LOC400499: variants seen among roughly 807,000 people sequenced by gnomAD.
At chr16:11,434,848 TAGGCTCCTG>T in the LOC400499 span, among the ~76,000 whole-genome samples, 1 of 152,192 alleles carries the variant, frequency 6.6e-6, no homozygotes, top group Non-Finnish European at 1.5e-5. Flanking sequence ...CCCTGGACCC[TAGGCTCCTG>T]AGCACCCCAC....
the LOC400499 span, among the ~76,000 whole-genome samples, chr16:11,473,449 T>C: frequency 6.6e-6 from 1 of 152,166 alleles, no homozygotes. Context: ...TGGCTTACAC[T>C]TGGCATTATT....
the LOC400499 span, chr16:11,446,579 CCT>C: frequency 3.3e-6 from 5 of 1,536,084 alleles, no homozygotes; most frequent in Non-Finnish European, 4.4e-6. Context: ...ACCAGGCACC[CCT>C]CTGTGTTCCT....
the LOC400499 span, chr16:11,469,722 C>T: frequency 2.5e-6 from 1 of 398,852 alleles, no homozygotes; most frequent in Non-Finnish European, 4.4e-6. Flanking sequence ...CCTTCAGACA[C>T]TCACATTGTT....
At chr16:11,410,905 G>A in the LOC400499 span, among the ~76,000 whole-genome samples, 3 of 152,340 alleles carry the variant, frequency 2.0e-5, no homozygotes, top group East Asian at 5.8e-4. Flanking sequence ...GGTGACGCTG[G>A]CTCAGCTCCA....
At chr16:11,450,448 AG>A in the LOC400499 span, among the ~76,000 whole-genome samples, 2 of 152,322 alleles carry the variant, frequency 1.3e-5, no homozygotes, top group South Asian at 4.1e-4. Flanking sequence ...TACGTCACTT[AG>A]GAACTAAACT....
chr16:11,385,255 C>T, the LOC400499 span: 27 of 1,232,152 alleles, frequency 2.2e-5, no homozygotes, highest in South Asian at 4.1e-5. Flanking sequence ...TTAAGTTCCA[C>T]GAACAGGGCT....
chr16:11,495,387 T>TC, the LOC400499 span, among the ~76,000 whole-genome samples: 1 of 151,436 alleles, frequency 6.6e-6, no homozygotes, highest in African/African-American at 2.4e-5. Context: ...ACAAATCTTT[T>TC]TTTTTTTTTT....
chr16:11,481,057 G>A, the LOC400499 span, among the ~76,000 whole-genome samples: 6 of 152,230 alleles, frequency 3.9e-5, no homozygotes, highest in South Asian at 2.1e-4. Flanking sequence ...TACAATGTGG[G>A]TGAACTTCCA....
At chr16:11,513,598 T>C in the LOC400499 span, among the ~76,000 whole-genome samples, 1 of 151,730 alleles carries the variant, frequency 6.6e-6, no homozygotes, top group South Asian at 2.1e-4. Flanking sequence ...TTCCAACTAT[T>C]TTTTGCATTT....
the LOC400499 span, among the ~76,000 whole-genome samples, chr16:11,506,673 C>G: frequency 2.4e-3 from 364 of 152,316 alleles, 2 homozygotes; most frequent in African/African-American, 8.4e-3. Context: ...CTCTGCCCCC[C>G]ACATCGAAAC....
chr16:11,513,542 G>A, the LOC400499 span, among the ~76,000 whole-genome samples: 34 of 151,858 alleles, frequency 2.2e-4, no homozygotes, highest in African/African-American at 7.7e-4. Context: ...ACGATTCTCC[G>A]GCTTCAGCCT....
chr16:11,452,515 G>A, the LOC400499 span, among the ~76,000 whole-genome samples: 1 of 152,290 alleles, frequency 6.6e-6, no homozygotes, highest in South Asian at 2.1e-4. Flanking sequence ...ACAGCTCATG[G>A]GTCAGGGAGC....
chr16:11,445,456 C>T, the LOC400499 span, among the ~76,000 whole-genome samples: 6 of 151,776 alleles, frequency 4.0e-5, no homozygotes, highest in Admixed American at 2.6e-4. Flanking sequence ...TATAAGGCAT[C>T]GCTAGGGTAA....
the LOC400499 span, among the ~76,000 whole-genome samples, chr16:11,403,685 T>C: frequency 2.0e-5 from 3 of 152,214 alleles, no homozygotes; most frequent in Admixed American, 1.3e-4. Context: ...CTCTGCTCTG[T>C]GCTCAGGAGG....
At chr16:11,482,749 C>T in the LOC400499 span, among the ~76,000 whole-genome samples, 2 of 151,864 alleles carry the variant, frequency 1.3e-5, no homozygotes, top group Non-Finnish European at 2.9e-5. Context: ...AAAACTTAGC[C>T]AGGTGTGGCA....
chr16:11,462,503 C>T, the LOC400499 span: 110 of 892,222 alleles, frequency 1.2e-4, no homozygotes, highest in African/African-American at 1.3e-3. Flanking sequence ...AATCCTGGCT[C>T]GCTGCAACCT....
the LOC400499 span, chr16:11,387,060 A>G: frequency 1.2e-5 from 14 of 1,214,388 alleles, 1 homozygote; most frequent in East Asian, 1.3e-4. Context: ...TGTGCCCAGG[A>G]GGCAGGGGGC....
At chr16:11,378,139 G>A in the LOC400499 span, among the ~76,000 whole-genome samples, 4 of 151,836 alleles carry the variant, frequency 2.6e-5, no homozygotes, top group African/African-American at 7.3e-5. Flanking sequence ...GACTTGCCAC[G>A]TTGCCCAAGC....
the LOC400499 span, among the ~76,000 whole-genome samples, chr16:11,389,857 G>C: frequency 6.6e-6 from 1 of 152,148 alleles, no homozygotes; most frequent in East Asian, 1.9e-4. Context: ...CTTCCTGAAG[G>C]CAGGGTCAGC....
Sources: allele counts gnomAD v4.1 joint callset (sites outside exome capture counted in the v4.1 genomes callset), GRCh38; gene constraint gnomAD v4.1.1; transcripts MANE v1.5.